DLG5: variants seen among roughly 807,000 people sequenced by gnomAD.
DLG5 encodes disks large homolog 5.
A neutral mutation model predicts 189.8 loss-of-function variants in DLG5; 48 were observed. That is an observed-to-expected ratio of 0.25 (90% CI 0.20 to 0.32). The LOEUF (loss-of-function observed/expected upper bound fraction) is 0.32, where lower values mean the gene tolerates loss of function less well. DLG5 is among the 10% of genes least tolerant of loss of function. The pLI is 1.00. For synonymous variants in DLG5, 1,016 were observed against 1,054.1 expected (o/e 0.96, Z 0.70); for missense variants, 2,160 against 2,544.7 (o/e 0.85, Z 3.25).
chr10:77,879,361 C>A (rs1240363458), intron 1 of DLG5, among the ~76,000 whole-genome samples: 2 of 152,070 alleles, frequency 1.3e-5, no homozygotes, highest in Non-Finnish European at 2.9e-5. Flanking sequence ...CAGCTCCAGG[C>A]AGAACCTTAT....
At chr10:77,816,041 T>A in intron 20 of DLG5, 1 of 450,272 alleles carries the variant, frequency 2.2e-6, no homozygotes, top group South Asian at 1.6e-5. Context: ...GCTTTCTTCC[T>A]GTGTATATTT....
At chr10:77,811,255 G>T in intron 22 of DLG5, 21 bp from the exon 23 acceptor site, 1 of 1,609,832 alleles carries the variant, frequency 6.2e-7, no homozygotes, top group Admixed American at 1.7e-5. Flanking sequence ...AGGACAGGAG[G>T]GATAAGGAGC....
At chr10:77,795,569 G>A (rs1479701001) in intron 29 of DLG5, among the ~76,000 whole-genome samples, 1 of 152,098 alleles carries the variant, frequency 6.6e-6, no homozygotes, top group Admixed American at 6.5e-5. Flanking sequence ...TGGACTCCGA[G>A]TGTTTGCCCC....
At chr10:77,922,347 T>C (rs559356652) in intron 1 of DLG5, among the ~76,000 whole-genome samples, 15 of 152,078 alleles carry the variant, frequency 9.9e-5, no homozygotes, top group Non-Finnish European at 2.1e-4. Context: ...AAGGACTGCA[T>C]GGGGCTCCAA....
chr10:77,885,397 G>C (rs1779514771), intron 1 of DLG5, among the ~76,000 whole-genome samples: 1 of 152,122 alleles, frequency 6.6e-6, no homozygotes, highest in East Asian at 1.9e-4. Flanking sequence ...ATGCATAAAG[G>C]GATGTAGATT....
intron 1 of DLG5, among the ~76,000 whole-genome samples, chr10:77,903,630 C>CAAA (rs574454210): frequency 1.7e-4 from 10 of 58,746 alleles, no homozygotes; most frequent in South Asian, 7.6e-4. Context: ...AACTCCATCT[C>CAAA]AAAAAAAAAA....
chr10:77,869,355 GAT>G, intron 1 of DLG5, 158 bp from the exon 2 acceptor site: 2 of 660,512 alleles, frequency 3.0e-6, no homozygotes, highest in South Asian at 3.5e-5. Flanking sequence ...GCGCTCAGCA[GAT>G]CTGGACTTCG....
At chr10:77,881,766 G>A (rs1296951418) in intron 1 of DLG5, among the ~76,000 whole-genome samples, 1 of 152,150 alleles carries the variant, frequency 6.6e-6, no homozygotes, top group Non-Finnish European at 1.5e-5. Flanking sequence ...ATAATGGCAT[G>A]TTCCATTAAT....
At chr10:77,902,907 G>A (rs934070862) in intron 1 of DLG5, among the ~76,000 whole-genome samples, 26 of 150,634 alleles carry the variant, frequency 1.7e-4, no homozygotes, top group Non-Finnish European at 2.8e-4. Flanking sequence ...ATAAATAAAC[G>A]AGCCATTGAG....
At position 77,816,858 on chromosome 10, in the gene DLG5, C is replaced by T. The variant is rs1842080674; in HGVS notation, c.3874+149G>A. ...TAGGCTCTGCATTGCCCCCTACCCC[C>T]CACACCACCAGGCCTACTGCTGGGC... On this transcript the variant is annotated intron_variant, in intron 19 of 31. Coordinates refer to ENST00000372391, the MANE Select transcript of DLG5 (RefSeq NM_004747.4). 3.0e-6 allele frequency: 4 copies of T among 1,332,932 alleles called. No homozygotes were observed. The Admixed American group carries it at 8.0e-5, about 27-fold the overall frequency. 82.6% of individuals were successfully genotyped at this position (1,332,932 alleles called of 1,614,324 possible). A position where few individuals can be genotyped will look rare whatever the true frequency, so the allele number is the denominator to read the frequency against.
chr10:77,830,104 G>A, intron 11 of DLG5, 113 bp downstream of exon 11: 1 of 1,354,368 alleles, frequency 7.4e-7, no homozygotes, highest in South Asian at 1.4e-5. Context: ...CAGACTGTGT[G>A]TGAGTCTAAG....
Position 77,794,880 on chromosome 10 carries a change from A to G in DLG5, c.5515T>C (p.Phe1839Leu). The G allele has an allele frequency of 6.2e-7, 1 of 1,614,112 alleles. No homozygotes were observed. Among genetic ancestry groups the G allele is most frequent in the African/African-American group, 1.3e-5 (1 of 75,054 alleles). ...HHMHIYPIVI[F>L]IHYKSAKHIK... ...TGCTTGGCGCTCTTGTAGTGGATGA[A>G]GATGACAATGGGGTAGATGTGCATG... The change falls in exon 30 of 32, where the codon TTC becomes CTC. Residue 1839 changes from phenylalanine (F) to leucine (L), a missense_variant. By Grantham distance (22) the Phe-to-Leu change is conservative. Around this residue, in one of 5 missense-constraint regions of DLG5, gnomAD observed 574 missense variants for 644.2 expected, o/e 0.89. Coordinates refer to ENST00000372391, the MANE Select transcript of DLG5 (RefSeq NM_004747.4).
In DLG5 at chr10:77,807,907, T is replaced by A. The variant is rs1487099963; in HGVS notation, c.4685A>T (p.Glu1562Val). ...GGGCTTCAGCATCTCCACATAGACT[T>A]CCTCCACTGTCTTGTTCCGCACGTC... ...SLDVRNKTVE[E>V]VYVEMLKPRD... is the part of the protein sequence containing the mutation. The change falls in exon 25 of 32, where the codon GAA becomes GTA. Residue 1562 changes from glutamate (E) to valine (V), a missense_variant. Physicochemically the swap from Glu to Val is moderately radical, Grantham distance 121. Coordinates refer to ENST00000372391, the MANE Select transcript of DLG5 (RefSeq NM_004747.4). 1 of 1,614,176 alleles carries A rather than the reference T, an allele frequency of 6.2e-7. No individual in the cohort carries two copies. Among genetic ancestry groups the A allele is most frequent in the Non-Finnish European group, 8.5e-7 (1 of 1,180,044 alleles).
At chr10:77,836,032 G>A in intron 7 of DLG5, 110 bp from the exon 8 acceptor site, 1 of 1,169,718 alleles carries the variant, frequency 8.5e-7, no homozygotes, top group Non-Finnish European at 1.2e-6. Flanking sequence ...GCTGGATGGA[G>A]GGAAACACGG....
At chr10:77,806,617 G>A in intron 26 of DLG5, 141 bp downstream of exon 26, 1 of 1,205,416 alleles carries the variant, frequency 8.3e-7, no homozygotes, top group Non-Finnish European at 1.2e-6. Context: ...TTGGCAAAAT[G>A]TAGAGAGCAG....
At chr10:77,794,284 G>A (rs904811401) in intron 30 of DLG5, among the ~76,000 whole-genome samples, 167 bp from the exon 31 acceptor site, 7 of 152,212 alleles carry the variant, frequency 4.6e-5, no homozygotes, top group Non-Finnish European at 8.8e-5. Context: ...GCTGTCGGGG[G>A]AGCTCTGGGC....
intron 1 of DLG5, among the ~76,000 whole-genome samples, chr10:77,886,237 T>G (rs900921548): frequency 1.3e-5 from 2 of 152,170 alleles, no homozygotes; most frequent in African/African-American, 4.8e-5. Context: ...AGTGGCTCAG[T>G]TGGGGAATAC....
chr10:77,824,364 G>A lies in DLG5; in HGVS notation c.2382+20C>T. 6.3e-7 allele frequency: 1 copy of A among 1,586,014 alleles called. No individual in the cohort carries two copies. Among genetic ancestry groups the A allele is most frequent in the Non-Finnish European group, 8.7e-7 (1 of 1,155,508 alleles). The stretch of plus-strand genomic sequence containing the variant: ...GCCCATACTCCTGACCGTGAGAGCA[G>A]AGCCAGGTCCAGCCCTTACCTTCAG... On this transcript the variant is annotated intron_variant, in intron 14 of 31. Transcript: ENST00000372391.
At chr10:77,807,711 G>C in intron 25 of DLG5, 85 bp downstream of exon 25, 1 of 1,488,776 alleles carries the variant, frequency 6.7e-7, no homozygotes, top group Admixed American at 2.0e-5. Context: ...GCAAGAAACA[G>C]AGAGCCATTC....
Sources: gnomAD v4.1 joint callset for allele counts (sites outside exome capture counted in the v4.1 genomes callset) on GRCh38, gnomAD v4.1.1 for gene constraint, gnomAD v4.1.1 regional missense constraint, MANE v1.5 for transcripts, NCBI Gene and HGNC (gene_info 2026-07-23, HGNC 2026-07-21) for gene names.